Variants in PCNX1 observed in about 807,000 individuals in gnomAD.
PCNX1 encodes pecanex 1, also known as pecanex-like protein 1.
PCNX1 carries 78 observed loss-of-function variants against 242.2 expected under a neutral mutation model. The ratio of observed to expected loss-of-function variants is 0.32; its 90% confidence interval spans 0.27 to 0.39. The LOEUF (loss-of-function observed/expected upper bound fraction) is 0.39, where lower values mean the gene tolerates loss of function less well. Among genes scored for constraint, PCNX1 ranks in the 10% least tolerant of loss-of-function variants. The probability of loss-of-function intolerance (pLI) is 1.00; values close to 1 mark genes in which losing one functional copy is unlikely to be tolerated. For missense variants in PCNX1, 2,581 were observed against 2,856.5 expected (o/e 0.90, Z 2.20); for synonymous variants, 1,024 against 1,032.9 (o/e 0.99, Z 0.17).
intron 2 of PCNX1, among the ~76,000 whole-genome samples, chr14:70,951,635 G>T (rs997051826): frequency 6.6e-6 from 1 of 152,086 alleles, no homozygotes; most frequent in Admixed American, 6.6e-5. Context: ...TCGGTCTCCT[G>T]AAGTGCTAGG....
At chr14:71,082,579 C>T (rs760947720) in intron 28 of PCNX1, among the ~76,000 whole-genome samples, 2 of 152,004 alleles carry the variant, frequency 1.3e-5, no homozygotes, top group South Asian at 2.1e-4. Context: ...TGGCTCTTCT[C>T]GCTACATTGA....
chr14:71,013,683 G>A (rs1279020618), intron 11 of PCNX1, among the ~76,000 whole-genome samples: 1 of 152,054 alleles, frequency 6.6e-6, no homozygotes, highest in East Asian at 1.9e-4. Flanking sequence ...AATAGACAAA[G>A]TACGTGAAAC....
At chr14:71,006,060 CCATGGGCA>C (rs1002105308) in intron 8 of PCNX1, among the ~76,000 whole-genome samples, 2 of 150,512 alleles carry the variant, frequency 1.3e-5, no homozygotes, top group Admixed American at 6.6e-5. Context: ...GTAGCTAGGC[CCATGGGCA>C]CATGCCACCA....
At chr14:70,934,368 CAA>C (rs2056917949) in intron 1 of PCNX1, among the ~76,000 whole-genome samples, 1 of 150,702 alleles carries the variant, frequency 6.6e-6, no homozygotes, top group African/African-American at 2.4e-5. Context: ...GGAGAGAAAA[CAA>C]AGTGAAATAT....
intron 7 of PCNX1, among the ~76,000 whole-genome samples, chr14:70,991,366 A>G (rs1437089771): frequency 6.6e-6 from 1 of 151,956 alleles, no homozygotes; most frequent in African/African-American, 2.4e-5. Flanking sequence ...CACCATGCCC[A>G]GCTAATTTTT....
chr14:71,090,524 G>A (rs2062102053), intron 30 of PCNX1, among the ~76,000 whole-genome samples: 1 of 152,116 alleles, frequency 6.6e-6, no homozygotes, highest in Non-Finnish European at 1.5e-5. Context: ...AAATCTCTGT[G>A]AAAAATGGAA....
Position 71,114,837 on chromosome 14 carries a change from T to C in PCNX1, c.*4902T>C, listed in dbSNP as rs2062823721. On this transcript the variant is annotated 3_prime_UTR_variant, in exon 36 of 36. Coordinates refer to ENST00000304743, the MANE Select transcript of PCNX1 (RefSeq NM_014982.3). The stretch of plus-strand genomic sequence containing the variant: ...CCCGGAATTCACAACAGAGTAGTGA[T>C]AGAGCATAAGATGGCTGCTCCAGAT... 1 of 148,756 alleles carries C rather than the reference T, an allele frequency of 6.7e-6. No homozygotes were observed. The highest frequency in any genetic ancestry group is 1.5e-5 in the Non-Finnish European group (1 of 67,636). 9.2% of individuals were successfully genotyped at this position (148,756 alleles called of 1,614,324 possible).
At chr14:70,932,215 T>C (rs1354625153) in intron 1 of PCNX1, among the ~76,000 whole-genome samples, 1 of 152,212 alleles carries the variant, frequency 6.6e-6, no homozygotes, top group Non-Finnish European at 1.5e-5. Flanking sequence ...CTTTTTCTAA[T>C]AGCTGGATGT....
At chr14:71,053,583 G>T (rs1175610759) in intron 24 of PCNX1, among the ~76,000 whole-genome samples, 1 of 152,182 alleles carries the variant, frequency 6.6e-6, no homozygotes, top group Non-Finnish European at 1.5e-5. Context: ...CTCCCAAAGT[G>T]CTGGGATTAC....
At chr14:70,983,428 C>T (rs1186135520) in intron 6 of PCNX1, among the ~76,000 whole-genome samples, 1 of 152,118 alleles carries the variant, frequency 6.6e-6, no homozygotes, top group African/African-American at 2.4e-5. Context: ...CCTCAGCCTC[C>T]CGAGTAGCTG....
chr14:71,012,950 A>G, intron 10 of PCNX1, 35 bp from the exon 11 acceptor site: 1 of 1,271,168 alleles, frequency 7.9e-7, no homozygotes, highest in South Asian at 1.2e-5. Context: ...AATATTGAAG[A>G]TATTTTAAGC....
intron 1 of PCNX1, among the ~76,000 whole-genome samples, chr14:70,917,179 C>G (rs1394439659): frequency 6.6e-6 from 1 of 152,176 alleles, no homozygotes; most frequent in Non-Finnish European, 1.5e-5. Flanking sequence ...TCTTAAACCC[C>G]TCAAAGTTAT....
intron 1 of PCNX1, among the ~76,000 whole-genome samples, chr14:70,911,858 T>C (rs2055927179): frequency 6.6e-6 from 1 of 152,164 alleles, no homozygotes; most frequent in Admixed American, 6.5e-5. Context: ...ACTAAATAGC[T>C]CTGGATTATT....
At chr14:70,994,396 G>GAT (rs35068772) in intron 7 of PCNX1, among the ~76,000 whole-genome samples, 1,055 of 96,896 alleles carry the variant, frequency 0.011, 44 homozygotes, top group African/African-American at 0.016. Flanking sequence ...ACAGGCTTAA[G>GAT]ATATATATAT....
At chr14:71,047,432 G>A (rs1207779165) in intron 21 of PCNX1, among the ~76,000 whole-genome samples, 1 of 152,070 alleles carries the variant, frequency 6.6e-6, no homozygotes, top group Non-Finnish European at 1.5e-5. Flanking sequence ...ATAGTCATCC[G>A]ATGAGCCTGC....
intron 11 of PCNX1, among the ~76,000 whole-genome samples, chr14:71,013,746 G>A (rs2059886263): frequency 6.6e-6 from 1 of 152,200 alleles, no homozygotes; most frequent in Non-Finnish European, 1.5e-5. Context: ...ATTCCTGAGA[G>A]ATGACAACAA....
chr14:71,094,592 C>T (rs146553688), intron 30 of PCNX1, among the ~76,000 whole-genome samples: 59 of 152,132 alleles, frequency 3.9e-4, no homozygotes, highest in African/African-American at 1.4e-3. Flanking sequence ...TTTCCCCACC[C>T]CCTCCAACCT....
At chr14:70,992,923 A>G (rs1285678152) in intron 7 of PCNX1, among the ~76,000 whole-genome samples, 6 of 152,114 alleles carry the variant, frequency 3.9e-5, no homozygotes, top group Non-Finnish European at 8.8e-5. Context: ...AGACATCAGC[A>G]TTTATTTGTT....
intron 16 of PCNX1, 39 bp downstream of exon 16, chr14:71,028,830 A>T (rs748098309): frequency 1.7e-6 from 2 of 1,186,696 alleles, no homozygotes; most frequent in Admixed American, 2.0e-5. Flanking sequence ...CTTTAAGGCT[A>T]TATTTCTATA....
Sources: allele counts gnomAD v4.1 joint callset (sites outside exome capture counted in the v4.1 genomes callset), GRCh38; gene constraint gnomAD v4.1.1; transcripts MANE v1.5; gene names NCBI Gene and HGNC (gene_info 2026-07-23, HGNC 2026-07-21).